Variants in CNN3 observed in about 807,000 individuals in gnomAD.
CNN3 encodes the protein calponin 3.
Under a neutral mutation model 39.0 loss-of-function variants are expected in CNN3, and 11 were observed. The observed-to-expected ratio is 0.28, with a 90% CI of 0.18 to 0.47. The LOEUF (loss-of-function observed/expected upper bound fraction) is 0.47. CNN3 is among the 20% of genes least tolerant of loss of function. The probability of loss-of-function intolerance (pLI) is 0.99; values close to 1 mark genes in which losing one functional copy is unlikely to be tolerated. For synonymous variants in CNN3, 101 were observed against 138.3 expected (o/e 0.73, Z 1.89); for missense variants, 266 against 403.4 (o/e 0.66, Z 2.92).
At chr1:94,901,199 C>T (rs1438251386) in intron 5 of CNN3, among the ~76,000 whole-genome samples, 1 of 151,886 alleles carries the variant, frequency 6.6e-6, no homozygotes, top group East Asian at 1.9e-4. Flanking sequence ...ACTAAAACTA[C>T]AAAACTTAGC....
At chr1:94,900,279 T>C (rs1171627692) in intron 5 of CNN3, among the ~76,000 whole-genome samples, 1 of 152,074 alleles carries the variant, frequency 6.6e-6, no homozygotes, top group Non-Finnish European at 1.5e-5. Context: ...AGAAAACACA[T>C]ATAAGCAAAA....
rs1315376480 is a variant in CNN3 at position 94,900,856 on chromosome 1, A to G, written c.501+813T>C. Among the ~76,000 whole-genome samples, 3 of 152,234 alleles carry G rather than the reference A, an allele frequency of 2.0e-5. No homozygotes were observed. The East Asian group carries it at 5.8e-4, about 29-fold the overall frequency. Reference sequence around the variant, plus strand: ...CTGCTATATCATGATTTGGTACTGTAAATAAGTGACTTTGGCATTAAGGTC... The same window carrying G: ...CTGCTATATCATGATTTGGTACTGTGAATAAGTGACTTTGGCATTAAGGTC... On this transcript the variant is annotated intron_variant, in intron 5 of 6. Coordinates refer to ENST00000370206, the MANE Select transcript of CNN3 (RefSeq NM_001839.5).
intron 1 of CNN3, among the ~76,000 whole-genome samples, chr1:94,922,333 C>T (rs1475743044): frequency 6.6e-6 from 1 of 152,188 alleles, no homozygotes; most frequent in Non-Finnish European, 1.5e-5. Context: ...ATTTAGACTA[C>T]AGAGTTAATT....
Position 94,897,759 on chromosome 1 carries a change from G to C in CNN3, c.973C>G (p.Gln325Glu), listed in dbSNP as rs1313953163. The C allele has an allele frequency of 2.5e-6, 4 of 1,613,200 alleles. No individual in the cohort carries two copies. Among genetic ancestry groups the C allele is most frequent in the Non-Finnish European group, 3.4e-6 (4 of 1,179,386 alleles). Residue 325 changes from glutamine to glutamate, a missense_variant, in exon 7 of 7, where the codon CAA (glutamine) becomes GAA (glutamate). Coordinates refer to ENST00000370206, the MANE Select transcript of CNN3 (RefSeq NM_001839.5). Reference sequence around the variant, plus strand: ...GTGTGGATCTAATAATCAATGCCTTGGTCGCTATATTGGTAATCTCTGGGG... The same window carrying C: ...GTGTGGATCTAATAATCAATGCCTTCGTCGCTATATTGGTAATCTCTGGGG... ...DYPRDYQYSD[Q>E]GIDY
At chr1:94,919,760 T>C (rs557351305) in intron 1 of CNN3, among the ~76,000 whole-genome samples, 86 of 152,218 alleles carry the variant, frequency 5.6e-4, no homozygotes, top group African/African-American at 2.0e-3. Context: ...GAAGAGTCCT[T>C]CCAAGCACAA....
intron 1 of CNN3, among the ~76,000 whole-genome samples, chr1:94,905,299 G>A (rs1670966860): frequency 6.6e-6 from 1 of 152,136 alleles, no homozygotes; most frequent in Non-Finnish European, 1.5e-5. Flanking sequence ...AACTTCTCAA[G>A]GTAGGAAAAA....
intron 3 of CNN3, 103 bp downstream of exon 3, chr1:94,903,019 A>T (rs1003899374): frequency 6.1e-5 from 16 of 264,370 alleles, no homozygotes; most frequent in Non-Finnish European, 8.7e-5. Flanking sequence ...TCAAAAAGTT[A>T]AAAAAAAAAA....
chr1:94,920,661 G>C (rs1002268378), intron 1 of CNN3, among the ~76,000 whole-genome samples: 3 of 152,130 alleles, frequency 2.0e-5, no homozygotes, highest in Non-Finnish European at 4.4e-5. Context: ...TTCACAGTAA[G>C]ATGCAGAACC....
chr1:94,921,315 A>C (rs1403713133), intron 1 of CNN3, among the ~76,000 whole-genome samples: 2 of 152,116 alleles, frequency 1.3e-5, no homozygotes, highest in Non-Finnish European at 2.9e-5. Context: ...GAATTGCTTG[A>C]ACCTGGGAGG....
chr1:94,914,416 T>A (rs1219026203), intron 1 of CNN3, among the ~76,000 whole-genome samples: 1 of 152,218 alleles, frequency 6.6e-6, no homozygotes, highest in Non-Finnish European at 1.5e-5. Flanking sequence ...CGCTGTATTG[T>A]TCTGAAGGAA....
At chr1:94,911,220 C>A (rs550207398) in intron 1 of CNN3, among the ~76,000 whole-genome samples, 3 of 152,260 alleles carry the variant, frequency 2.0e-5, no homozygotes, top group East Asian at 1.9e-4. Context: ...TTCCATGGCA[C>A]GAACGTGCTA....
chr1:94,907,013 T>G (rs1036190663), intron 1 of CNN3, among the ~76,000 whole-genome samples: 1 of 152,192 alleles, frequency 6.6e-6, no homozygotes, highest in Non-Finnish European at 1.5e-5. Context: ...AGTGATGAGA[T>G]AGAAAAATCA....
At chr1:94,920,696 T>C (rs1056650519) in intron 1 of CNN3, among the ~76,000 whole-genome samples, 7 of 152,186 alleles carry the variant, frequency 4.6e-5, no homozygotes, top group Non-Finnish European at 5.9e-5. Context: ...GTTCCCACAG[T>C]CCATGTTCTT....
In CNN3 at chr1:94,903,417, G is replaced by A; in HGVS notation, c.165C>T (p.Gly55=). 4 of 1,602,122 alleles carry A rather than the reference G, an allele frequency of 2.5e-6. No individual in the cohort carries two copies. Among genetic ancestry groups the A allele is most frequent in the Non-Finnish European group, 2.6e-6 (3 of 1,175,204 alleles). The change falls in exon 2 of 7, where the codon GGC becomes GGT. Residue 55 remains glycine (G), a synonymous_variant. Coordinates refer to ENST00000370206, the MANE Select transcript of CNN3 (RefSeq NM_001839.5). ...CTGTAACTCACTCGCAGAGGATGAT[G>A]CCATCCTTTAAGCCCAGCTGGAAGT... ...GPNFQLGLKD[G]IILCELINKL...
At chr1:94,901,630 T>C (rs778557984) in intron 5 of CNN3, 39 bp downstream of exon 5, 18 of 1,364,236 alleles carry the variant, frequency 1.3e-5, no homozygotes, top group Non-Finnish European at 1.9e-5. Flanking sequence ...ATTAATCATA[T>C]TGAATAAGTA....
At chr1:94,901,400 T>A (rs1210514025) in intron 5 of CNN3, among the ~76,000 whole-genome samples, 121 of 146,028 alleles carry the variant, frequency 8.3e-4, no homozygotes, top group Middle Eastern at 3.6e-3. Context: ...ATTTTTCTTT[T>A]TTAAAAAAAA....
intron 1 of CNN3, among the ~76,000 whole-genome samples, chr1:94,918,613 G>A (rs1431730952): frequency 6.6e-6 from 1 of 151,908 alleles, no homozygotes; most frequent in South Asian, 2.1e-4. Context: ...AGTTCATAAG[G>A]CTGGGTGCGG....
chr1:94,905,622 C>T (rs902055459), intron 1 of CNN3, among the ~76,000 whole-genome samples: 2 of 152,210 alleles, frequency 1.3e-5, no homozygotes, highest in African/African-American at 2.4e-5. Flanking sequence ...TTGATTTGAA[C>T]TGTAGATTTA....
chr1:94,910,731 T>A (rs1198540309), intron 1 of CNN3, among the ~76,000 whole-genome samples: 1 of 152,154 alleles, frequency 6.6e-6, no homozygotes, highest in Non-Finnish European at 1.5e-5. Flanking sequence ...AGGGCCACTG[T>A]GAGGATGAAG....
Sources: allele counts gnomAD v4.1 joint callset (sites outside exome capture counted in the v4.1 genomes callset), GRCh38; gene constraint gnomAD v4.1.1; transcripts MANE v1.5; gene names NCBI Gene and HGNC (gene_info 2026-07-23, HGNC 2026-07-21).